Variants in DNAH5 observed in about 807,000 individuals in gnomAD.
DNAH5 encodes the protein dynein axonemal heavy chain 5.
In DNAH5, 372 loss-of-function variants were observed where a neutral mutation model predicts 518.2. The ratio of observed to expected loss-of-function variants is 0.72; its 90% CI spans 0.66 to 0.78. DNAH5 has a LOEUF of 0.78. Among genes scored for constraint, DNAH5 ranks in the 30% least tolerant of loss-of-function variants. The pLI, the probability that DNAH5 is intolerant of heterozygous loss-of-function variation, is 0.00. For synonymous variants in DNAH5, 2,039 were observed against 2,025.9 expected, an observed-to-expected ratio of 1.01 and a Z score of -0.17; for missense variants, 5,523 against 5,687.0, an observed-to-expected ratio of 0.97 and a Z score of 0.93.
At chr5:13,887,042 C>T (rs1240278449) in intron 17 of DNAH5, among the ~76,000 whole-genome samples, 2 of 152,208 alleles carry the variant, frequency 1.3e-5, no homozygotes, top group Non-Finnish European at 2.9e-5. Flanking sequence ...TCCATGTAAA[C>T]TAACTCCTCA....
Position 13,707,235 on chromosome 5 carries a change from G to C in DNAH5, c.13338+888C>G, listed in dbSNP as rs1226015787. ...GTCACTGGGCGGCCCAACTCCAGGG[G>C]AAGACCACCTTCCCACTCCATCCCC... On this transcript the variant is annotated intron_variant, in intron 76 of 78. Coordinates refer to ENST00000265104, the MANE Select transcript of DNAH5 (RefSeq NM_001369.3). The surrounding 1 kb of genome is among the most constrained non-coding windows in gnomAD (Gnocchi z 4.0). Among the ~76,000 whole-genome samples, 1 of 152,164 alleles carries C rather than the reference G, an allele frequency of 6.6e-6. No homozygotes were observed. The highest frequency in any genetic ancestry group is 1.9e-4 in the East Asian group (1 of 5,190).
rs561451217 is a variant in DNAH5 at position 13,777,102 on chromosome 5, A to G, written c.9105+100T>C. ...ACTGATCACTTAATACCCATCCCCAATAGCACTTATTCACACCACTAATGG... is the reference window on the plus strand; with the variant it reads ...ACTGATCACTTAATACCCATCCCCAGTAGCACTTATTCACACCACTAATGG... On this transcript the variant is annotated intron_variant, in intron 54 of 78. Transcript: ENST00000265104. The G allele has an allele frequency of 3.2e-4, 364 of 1,148,248 alleles. 13 individuals carry two copies. The South Asian group carries it at 4.6e-3, about 15-fold the overall frequency. The allele number at this position is 1,148,248 out of a possible 1,614,324, so 71.1% of individuals were successfully genotyped here.
chr5:13,736,858 G>A (rs1318108687), intron 66 of DNAH5, among the ~76,000 whole-genome samples: 1 of 152,118 alleles, frequency 6.6e-6, no homozygotes, highest in East Asian at 1.9e-4. Context: ...AGAGACCACA[G>A]AACTACCTTC....
chr5:13,939,920 G>T (rs779211855), intron 1 of DNAH5, among the ~76,000 whole-genome samples: 5 of 152,056 alleles, frequency 3.3e-5, no homozygotes, highest in African/African-American at 9.7e-5. Flanking sequence ...CAAGAGCCAC[G>T]CTTTCCCTCT....
chr5:13,911,680 G>A (rs942761389), intron 11 of DNAH5, among the ~76,000 whole-genome samples, 187 bp from the exon 12 acceptor site: 2 of 151,924 alleles, frequency 1.3e-5, no homozygotes, highest in Admixed American at 6.6e-5. Context: ...TTGCCCTACT[G>A]CATTCAAAGA....
At chr5:13,849,800 T>C (rs1035699281) in intron 31 of DNAH5, among the ~76,000 whole-genome samples, 5 of 152,196 alleles carry the variant, frequency 3.3e-5, no homozygotes, top group South Asian at 4.1e-4. Context: ...ATTTTTAGCA[T>C]AGTCACTTTT....
chr5:13,882,351 A>C (rs1364730948), intron 21 of DNAH5, among the ~76,000 whole-genome samples: 1 of 143,496 alleles, frequency 7.0e-6, no homozygotes, highest in African/African-American at 2.5e-5. Flanking sequence ...CATACACTAC[A>C]ATTTAAAAAA....
intron 28 of DNAH5, among the ~76,000 whole-genome samples, chr5:13,864,002 CA>C (rs1196488884): frequency 6.6e-6 from 1 of 152,200 alleles, no homozygotes; most frequent in Non-Finnish European, 1.5e-5. Flanking sequence ...TCACCCCAAC[CA>C]CACAACCACA....
Position 13,737,327 on chromosome 5 carries a change from C to G in DNAH5, c.11380G>C (p.Glu3794Gln), listed in dbSNP as rs936673131. The G allele has an allele frequency of 1.9e-6, 3 of 1,614,120 alleles. No individual in the cohort carries two copies. Among genetic ancestry groups the G allele is most frequent in the Non-Finnish European group, 8.5e-7 (1 of 1,180,010 alleles). Residue 3794 changes from glutamate (E) to glutamine (Q), a missense_variant, in exon 66 of 79, where the codon GAG (glutamate) becomes CAG (glutamine). Coordinates refer to ENST00000265104, the MANE Select transcript of DNAH5 (RefSeq NM_001369.3). Reference sequence around the variant, plus strand: ...GAAATTTCTAGCTTCTGTGTCACCTCCTCGGCTGTCCTTTTTGTGTTACTC... The same window carrying G: ...GAAATTTCTAGCTTCTGTGTCACCTGCTCGGCTGTCCTTTTTGTGTTACTC... ...VLSNTKRTAE[E>Q]VTQKLEISAE... is the part of the protein sequence containing the mutation.
At chr5:13,997,317 C>T (rs1270839100) in intron 1 of DNAH5, among the ~76,000 whole-genome samples, 1 of 152,194 alleles carries the variant, frequency 6.6e-6, no homozygotes, top group African/African-American at 2.4e-5. Flanking sequence ...GAGGTTTCTT[C>T]CACTAAATAT....
intron 15 of DNAH5, among the ~76,000 whole-genome samples, chr5:13,895,988 A>T (rs1489659248): frequency 6.6e-6 from 1 of 151,900 alleles, no homozygotes; most frequent in Non-Finnish European, 1.5e-5. Context: ...AACTGTACCT[A>T]GACTTATTGG....
At chr5:13,971,967 C>G (rs1781903186) in intron 1 of DNAH5, among the ~76,000 whole-genome samples, 1 of 152,074 alleles carries the variant, frequency 6.6e-6, no homozygotes, top group Non-Finnish European at 1.5e-5. Flanking sequence ...CGTGTCTGAG[C>G]TCAGACTCTC....
intron 29 of DNAH5, chr5:13,860,540 C>T (rs923610464): frequency 6.6e-6 from 1 of 152,150 alleles, no homozygotes; most frequent in Non-Finnish European, 1.5e-5. Context: ...TTGAGAACAA[C>T]TCTTCTACAT....
At position 13,707,435 on chromosome 5, in the gene DNAH5, C is replaced by T. The variant is rs1043780513; in HGVS notation, c.13338+688G>A. Among the ~76,000 whole-genome samples, 7 of 152,180 alleles carry T rather than the reference C, an allele frequency of 4.6e-5. No homozygotes were observed. The South Asian group carries it at 6.2e-4, about 14-fold the overall frequency. On this transcript the variant is annotated intron_variant, in intron 76 of 78. Transcript: ENST00000265104. The surrounding 1 kb of genome is among the most constrained non-coding windows in gnomAD (Gnocchi z 4.0). ...GAGGGTCTAATTGAGCTGATTAACG[C>T]GAGCCATCTGCAGATGGCAAAACTG...
intron 21 of DNAH5, among the ~76,000 whole-genome samples, chr5:13,877,526 C>T (rs1415552832): frequency 1.3e-5 from 2 of 152,222 alleles, no homozygotes; most frequent in East Asian, 1.9e-4. Context: ...CCCATGGACA[C>T]ACCCAATACA....
intron 1 of DNAH5, among the ~76,000 whole-genome samples, chr5:13,959,968 C>CA (rs981505837): frequency 6.7e-6 from 1 of 150,366 alleles, no homozygotes; most frequent in Non-Finnish European, 1.5e-5. Context: ...AACTCCATCT[C>CA]AAAAAAAAAG....
chr5:13,828,018 T>G (rs1157787163), intron 38 of DNAH5, among the ~76,000 whole-genome samples: 1 of 152,240 alleles, frequency 6.6e-6, no homozygotes, highest in African/African-American at 2.4e-5. Context: ...CTTTCCTTTA[T>G]AAATTAACCA....
chr5:13,850,449 T>A (rs1766673764), intron 31 of DNAH5, among the ~76,000 whole-genome samples: 1 of 152,182 alleles, frequency 6.6e-6, no homozygotes. Context: ...CAACCTTAAG[T>A]CCTATGAGTC....
In DNAH5 at chr5:13,750,778, AT is replaced by A. The variant is rs369054264; in HGVS notation, c.11211+299del. ...ACACACTTTTCAGAACAATCAAGTA[AT>A]TTAAGAACAAAGTAATGATGCTGAA... On this transcript the variant is annotated intron_variant, in intron 65 of 78. Transcript: ENST00000265104. 2.5e-3 allele frequency among the ~76,000 whole-genome samples: 385 copies of A among 152,360 alleles called. 2 individuals carry two copies. The Middle Eastern group carries it at 0.031, about 12-fold the overall frequency.
Sources: gnomAD v4.1 joint callset for allele counts (sites outside exome capture counted in the v4.1 genomes callset) on GRCh38, gnomAD v4.1.1 for gene constraint, Gnocchi (gnomAD v3.1) non-coding constraint, MANE v1.5 for transcripts, NCBI Gene and HGNC (gene_info 2026-07-23, HGNC 2026-07-21) for gene names.